The following THSD4 variants were observed in gnomAD, a reference collection of about 807,000 sequenced individuals.
The protein encoded by THSD4 is thrombospondin type 1 domain containing 4.
In THSD4, 69 loss-of-function variants were observed where a neutral mutation model predicts 119.0. The observed-to-expected ratio is 0.58, with a 90% CI of 0.48 to 0.71. The LOEUF is 0.71. Among genes scored for constraint, THSD4 ranks in the 30% least tolerant of loss-of-function variants. The pLI is 0.00. For synonymous variants in THSD4, 524 were observed against 540.4 expected, an observed-to-expected ratio of 0.97 and a Z score of 0.42; for missense variants, 1,393 against 1,391.1, an observed-to-expected ratio of 1.00 and a Z score of -0.02.
At chr15:71,771,901 G>A (rs1410074198) in intron 17 of THSD4, among the ~76,000 whole-genome samples, 1 of 152,166 alleles carries the variant, frequency 6.6e-6, no homozygotes, top group Non-Finnish European at 1.5e-5. Context: ...CATCCCAGCA[G>A]GGGAGCTCAA....
intron 7 of THSD4, among the ~76,000 whole-genome samples, chr15:71,575,475 A>C (rs762800543): frequency 6.6e-6 from 1 of 152,232 alleles, no homozygotes; most frequent in Non-Finnish European, 1.5e-5. Flanking sequence ...GGTGATAAAT[A>C]AAATCACTAA....
chr15:71,440,053 C>T (rs765708563), intron 7 of THSD4, among the ~76,000 whole-genome samples: 1 of 152,172 alleles, frequency 6.6e-6, no homozygotes, highest in African/African-American at 2.4e-5. Flanking sequence ...AGTTTCCTAA[C>T]CAAATCTTGA....
chr15:71,462,053 C>G (rs1051497472), intron 7 of THSD4, among the ~76,000 whole-genome samples: 3 of 152,232 alleles, frequency 2.0e-5, no homozygotes, highest in Non-Finnish European at 4.4e-5. Flanking sequence ...AGAATCATCT[C>G]TCTTATAACC....
intron 7 of THSD4, among the ~76,000 whole-genome samples, chr15:71,449,569 G>A (rs1479073951): frequency 6.6e-6 from 1 of 152,162 alleles, no homozygotes; most frequent in Non-Finnish European, 1.5e-5. Context: ...TACTCTGTAA[G>A]TACTAAAAAT....
chr15:71,628,847 C>T (rs563723644), intron 7 of THSD4, among the ~76,000 whole-genome samples: 2 of 152,292 alleles, frequency 1.3e-5, no homozygotes, highest in South Asian at 4.1e-4. Flanking sequence ...TGCTGAGGCA[C>T]CAGCCAGGCA....
At chr15:71,386,847 C>T (rs16955520) in intron 6 of THSD4, among the ~76,000 whole-genome samples, 5,450 of 152,236 alleles carry the variant, frequency 0.036, 314 homozygotes, top group African/African-American at 0.13. Context: ...TGAAAGCATT[C>T]GCCAGTTGTT....
chr15:71,705,472 A>G (rs970507007), intron 8 of THSD4, among the ~76,000 whole-genome samples: 4 of 152,188 alleles, frequency 2.6e-5, no homozygotes, highest in African/African-American at 9.7e-5. Flanking sequence ...CTTATCCAGG[A>G]CATTCTTCTT....
chr15:71,345,205 G>A (rs1340996668), intron 6 of THSD4, among the ~76,000 whole-genome samples: 2 of 149,756 alleles, frequency 1.3e-5, no homozygotes, highest in East Asian at 2.0e-4. Flanking sequence ...CGGGGGGTTG[G>A]GGGGGTGGGT....
chr15:71,159,123 A>C (rs747047296), intron 3 of THSD4, among the ~76,000 whole-genome samples: 31 of 152,026 alleles, frequency 2.0e-4, no homozygotes, highest in Non-Finnish European at 4.4e-4. Context: ...GTTGAAAATC[A>C]GATGATGTTT....
intron 8 of THSD4, among the ~76,000 whole-genome samples, chr15:71,715,804 A>G (rs1405644039): frequency 6.6e-6 from 1 of 150,470 alleles, no homozygotes; most frequent in East Asian, 1.9e-4. Context: ...TATTTAGGAT[A>G]GGTCTATTTA....
At position 71,715,328 on chromosome 15, in the gene THSD4, G is replaced by A. The variant is rs76418951; in HGVS notation, c.1358-13221G>A. ...CTGCCATCATCTTGGAACCCATGGC[G>A]ACAGTGCCTTGTTGGTTACAACTCT... is the stretch of plus-strand genomic sequence containing the variant. On this transcript the variant is annotated intron_variant, in intron 8 of 17. Coordinates refer to ENST00000261862, the MANE Select transcript of THSD4 (RefSeq NM_024817.3). Among the ~76,000 whole-genome samples, 7 of 152,306 alleles carry A rather than the reference G, an allele frequency of 4.6e-5. No homozygotes were observed. The East Asian group carries it at 9.6e-4, about 21-fold the overall frequency.
At chr15:71,425,296 G>C (rs1293963608) in intron 7 of THSD4, among the ~76,000 whole-genome samples, 1 of 152,096 alleles carries the variant, frequency 6.6e-6, no homozygotes, top group Non-Finnish European at 1.5e-5. Context: ...TGCTACATAG[G>C]GTTTATTATT....
chr15:71,367,737 T>A (rs1461470427), intron 6 of THSD4, among the ~76,000 whole-genome samples: 1 of 152,238 alleles, frequency 6.6e-6, no homozygotes, highest in African/African-American at 2.4e-5. Flanking sequence ...AGTGCTGCAA[T>A]AAACATATGT....
intron 7 of THSD4, among the ~76,000 whole-genome samples, chr15:71,481,144 GA>G (rs200883224): frequency 3.8e-3 from 572 of 152,030 alleles, no homozygotes; most frequent in Non-Finnish European, 5.0e-3. Flanking sequence ...TTGATTGGAA[GA>G]AAAAAAGCTC....
At chr15:71,743,972 G>A (rs745418032) in intron 11 of THSD4, among the ~76,000 whole-genome samples, 11 of 152,122 alleles carry the variant, frequency 7.2e-5, no homozygotes, top group Admixed American at 3.9e-4. Flanking sequence ...TGTTCTTCCC[G>A]GCAGGAGTTG....
chr15:71,181,397 CTTTGTG>C (rs1344046535), intron 3 of THSD4, among the ~76,000 whole-genome samples: 2 of 152,146 alleles, frequency 1.3e-5, no homozygotes, highest in African/African-American at 4.8e-5. Flanking sequence ...AAGCTTAAAA[CTTTGTG>C]TTTGTGTTTG....
intron 7 of THSD4, among the ~76,000 whole-genome samples, chr15:71,457,922 A>C (rs1272368581): frequency 6.6e-6 from 1 of 152,206 alleles, no homozygotes; most frequent in Non-Finnish European, 1.5e-5. Flanking sequence ...TTCCAGCGCC[A>C]TGACAATGCC....
In THSD4 at chr15:71,520,288, G is replaced by T. The variant is rs533826977; in HGVS notation, c.1152+108465G>T. 1.5e-3 allele frequency among the ~76,000 whole-genome samples: 227 copies of T among 152,296 alleles called. 1 individual carries two copies. The highest frequency in any genetic ancestry group is 5.1e-3 in the African/African-American group (214 of 41,566). On this transcript the variant is annotated intron_variant, in intron 7 of 17. Coordinates refer to ENST00000261862, the MANE Select transcript of THSD4 (RefSeq NM_024817.3). ...TAGAGATGAGACCCAGATGGCAAAC[G>T]TGACCTGGGAGGTTTTGATGGAGGT... is the stretch of plus-strand genomic sequence containing the variant.
chr15:71,700,854 C>G (rs1022727460), intron 8 of THSD4, among the ~76,000 whole-genome samples: 2 of 151,948 alleles, frequency 1.3e-5, no homozygotes, highest in African/African-American at 4.8e-5. Flanking sequence ...AATGTTAGAT[C>G]TCTGTGTCAC....
Sources: gnomAD v4.1 joint callset for allele counts (sites outside exome capture counted in the v4.1 genomes callset) on GRCh38, gnomAD v4.1.1 for gene constraint, MANE v1.5 for transcripts, NCBI Gene and HGNC (gene_info 2026-07-23, HGNC 2026-07-21) for gene names.